DRC2: variants seen among roughly 807,000 people sequenced by gnomAD.
The protein encoded by DRC2 is dynein regulatory complex subunit 2.
chr12:48,905,016 T>C, the DRC2 span: 2,310 of 1,614,042 alleles, frequency 1.4e-3, 2 homozygotes, highest in Non-Finnish European at 1.7e-3. Context: ...TGGAGAACTG[T>C]CCTTCGGGAA....
the DRC2 span, among the ~76,000 whole-genome samples, chr12:48,917,828 C>T: frequency 6.6e-5 from 10 of 152,220 alleles, no homozygotes; most frequent in African/African-American, 1.9e-4. Context: ...CTCGAGGTTG[C>T]AATCTTAGCC....
At chr12:48,904,512 C>G in the DRC2 span, 3 of 1,577,860 alleles carry the variant, frequency 1.9e-6, no homozygotes, top group East Asian at 4.6e-5. Context: ...CCATCCACCC[C>G]CTGCCCTGGC....
the DRC2 span, chr12:48,919,016 A>G: frequency 5.8e-5 from 41 of 704,114 alleles, no homozygotes; most frequent in Admixed American, 8.4e-5. Flanking sequence ...GGCTGAGTGG[A>G]CACTTGGAAT....
At chr12:48,907,437 C>T in the DRC2 span, among the ~76,000 whole-genome samples, 1 of 152,192 alleles carries the variant, frequency 6.6e-6, no homozygotes, top group African/African-American at 2.4e-5. Context: ...CAATTAACTT[C>T]TTCCTACACA....
chr12:48,918,895 G>A, the DRC2 span: 2 of 1,611,444 alleles, frequency 1.2e-6, no homozygotes, highest in South Asian at 1.1e-5. Context: ...GAGAAAGATT[G>A]TTGATAAGGT....
chr12:48,904,174 CG>C, the DRC2 span: 1 of 850,626 alleles, frequency 1.2e-6, no homozygotes, highest in East Asian at 2.6e-5. Context: ...CACTGATAGC[CG>C]GGGATCTCTC....
the DRC2 span, chr12:48,905,133 A>C: frequency 7.0e-6 from 11 of 1,575,112 alleles, no homozygotes; most frequent in Middle Eastern, 1.7e-4. Flanking sequence ...CTTTCCAAGG[A>C]AACCTTGAGT....
At chr12:48,910,988 T>G in the DRC2 span, among the ~76,000 whole-genome samples, 2 of 152,218 alleles carry the variant, frequency 1.3e-5, no homozygotes, top group Non-Finnish European at 2.9e-5. Context: ...GAGGTTGCAG[T>G]GAGCCAAGAT....
the DRC2 span, among the ~76,000 whole-genome samples, chr12:48,905,768 ATTAT>A: frequency 5.9e-5 from 9 of 151,594 alleles, no homozygotes; most frequent in Non-Finnish European, 8.8e-5. Context: ...AGTCTTTTCC[ATTAT>A]TTATTTATTT....
At chr12:48,921,091 C>T in the DRC2 span, 10 of 1,610,610 alleles carry the variant, frequency 6.2e-6, no homozygotes, top group Admixed American at 3.3e-5. Context: ...AGGTAAAGCC[C>T]GGGGGATGGT....
chr12:48,913,925 CT>C, the DRC2 span, among the ~76,000 whole-genome samples: 3,471 of 95,944 alleles, frequency 0.036, 48 homozygotes, highest in African/African-American at 0.074. Flanking sequence ...CGTGCCCAGT[CT>C]TTTTTTTTTT....
At chr12:48,908,048 A>G in the DRC2 span, among the ~76,000 whole-genome samples, 1 of 152,078 alleles carries the variant, frequency 6.6e-6, no homozygotes, top group Admixed American at 6.6e-5. Flanking sequence ...GGCTCAAGTG[A>G]TCCTCCCACC....
At chr12:48,921,340 G>A in the DRC2 span, 1 of 1,614,168 alleles carries the variant, frequency 6.2e-7, no homozygotes, top group Non-Finnish European at 8.5e-7. Flanking sequence ...GAAGTGCTGA[G>A]CCAGCTCAAC....
chr12:48,918,458 A>G, the DRC2 span: 47 of 1,614,118 alleles, frequency 2.9e-5, no homozygotes, highest in Non-Finnish European at 4.0e-5. Flanking sequence ...GATGAAAAAA[A>G]TACAGAAACT....
the DRC2 span, among the ~76,000 whole-genome samples, chr12:48,915,818 G>A: frequency 6.6e-6 from 1 of 151,642 alleles, no homozygotes; most frequent in Admixed American, 6.6e-5. Flanking sequence ...TGGCTGCCGG[G>A]CGGAGAGGCT....
At chr12:48,908,595 A>AT in the DRC2 span, among the ~76,000 whole-genome samples, 2 of 121,766 alleles carry the variant, frequency 1.6e-5, no homozygotes, top group Admixed American at 2.0e-4. Flanking sequence ...TATTATTATT[A>AT]TTATTATTAT....
chr12:48,914,174 T>A, the DRC2 span, among the ~76,000 whole-genome samples: 1 of 151,876 alleles, frequency 6.6e-6, no homozygotes, highest in Admixed American at 6.6e-5. Flanking sequence ...CCCAGGCTCA[T>A]GTAATCCTCC....
the DRC2 span, chr12:48,918,097 C>T: frequency 1.7e-6 from 1 of 598,568 alleles, no homozygotes; most frequent in Non-Finnish European, 2.9e-6. Context: ...ACCACAGGCC[C>T]CACCCGGCCC....
the DRC2 span, among the ~76,000 whole-genome samples, chr12:48,909,302 C>A: frequency 6.6e-6 from 1 of 152,048 alleles, no homozygotes; most frequent in Non-Finnish European, 1.5e-5. Flanking sequence ...CTTGGCCTCC[C>A]AAAGTGCTGG....
Sources: gnomAD v4.1 joint callset for allele counts (sites outside exome capture counted in the v4.1 genomes callset) on GRCh38, gnomAD v4.1.1 for gene constraint, MANE v1.5 for transcripts, NCBI Gene and HGNC (gene_info 2026-07-23, HGNC 2026-07-21) for gene names.